DCAF8L2: variants seen among roughly 807,000 people sequenced by gnomAD.
The protein encoded by DCAF8L2 is DDB1- and CUL4-associated factor 8-like protein 2.
For missense variants in DCAF8L2, 430 were observed against 490.7 expected (o/e 0.88, Z 1.17); for synonymous variants, 200 against 190.9 (o/e 1.05, Z -0.39).
In DCAF8L2 at chrX:27,591,831, C is replaced by T. The variant is rs754668465; in HGVS notation, c.-342+1391C>T. ...ACTGAAATGTTAACATGTTCCCTGT[C>T]TTTAAGAAGACAATAGTTTAAGTGG... On this transcript the variant is annotated intron_variant, in intron 1 of 4. Coordinates refer to ENST00000451261, the MANE Select transcript of DCAF8L2 (RefSeq NM_001353450.2). Among the ~76,000 whole-genome samples, 162 of 111,874 alleles carry T rather than the reference C, an allele frequency of 1.4e-3. 1 individual carries two copies. Among genetic ancestry groups the T allele is most frequent in the Non-Finnish European group, 2.6e-3 (136 of 53,203 alleles).
At chrX:27,477,269 G>T in the DCAF8L2 span, among the ~76,000 whole-genome samples, 2 of 111,959 alleles carry the variant, frequency 1.8e-5, no homozygotes, top group Middle Eastern at 4.7e-3. Context: ...TATTTAGAGT[G>T]TTTGTGTGTT....
chrX:27,592,417 G>GTTTTTTTTTTTTTTTTTGTTTTTTTT (rs1248208449), intron 1 of DCAF8L2, among the ~76,000 whole-genome samples: 3 of 83,947 alleles, frequency 3.6e-5, no homozygotes, highest in Non-Finnish European at 6.5e-5. Flanking sequence ...GTTTGTTTTT[G>GTTTTTTTTTTTTTTTTTGTTTTTTTT]TTTTTTTTTT....
the DCAF8L2 span, among the ~76,000 whole-genome samples, chrX:27,490,189 T>A: frequency 1.8e-5 from 2 of 112,545 alleles, no homozygotes; most frequent in Non-Finnish European, 3.8e-5. Flanking sequence ...CTGGACATTT[T>A]GTGTGCTTCT....
chrX:27,638,579 T>C (rs1401924468), intron 2 of DCAF8L2, among the ~76,000 whole-genome samples: 1 of 111,238 alleles, frequency 9.0e-6, no homozygotes, highest in Non-Finnish European at 1.9e-5. Context: ...TATAGACATG[T>C]CAGGAATGAA....
At chrX:27,695,763 C>A (rs771838340) in intron 3 of DCAF8L2, among the ~76,000 whole-genome samples, 2 of 111,472 alleles carry the variant, frequency 1.8e-5, no homozygotes, top group Non-Finnish European at 3.8e-5. Context: ...ATAATAGAAT[C>A]TCTCCAGTTT....
chrX:27,606,025 T>C (rs1926848032), intron 1 of DCAF8L2, among the ~76,000 whole-genome samples: 1 of 105,938 alleles, frequency 9.4e-6, no homozygotes. Context: ...GTTGAATAGA[T>C]GAAGAAGAGT....
intron 2 of DCAF8L2, among the ~76,000 whole-genome samples, chrX:27,643,796 T>C (rs1928834183): frequency 8.9e-6 from 1 of 111,771 alleles, no homozygotes; most frequent in African/African-American, 3.2e-5. Context: ...ATACAATACC[T>C]AATATGTGTT....
chrX:27,737,320 A>C (rs894449872), intron 4 of DCAF8L2, among the ~76,000 whole-genome samples: 1 of 111,337 alleles, frequency 9.0e-6, no homozygotes, highest in Admixed American at 9.6e-5. Flanking sequence ...TGTTCCAACC[A>C]TACTAAGACT....
the DCAF8L2 span, among the ~76,000 whole-genome samples, chrX:27,482,378 T>C: frequency 4.5e-5 from 5 of 111,585 alleles, no homozygotes; most frequent in African/African-American, 1.6e-4. Context: ...AAATATGACC[T>C]CCATTAGATT....
the DCAF8L2 span, among the ~76,000 whole-genome samples, chrX:27,479,901 T>C: frequency 1.8e-5 from 2 of 112,084 alleles, no homozygotes; most frequent in African/African-American, 6.5e-5. Flanking sequence ...TCACATTGTT[T>C]CTGGATTAGA....
At chrX:27,485,475 C>T in the DCAF8L2 span, among the ~76,000 whole-genome samples, 2 of 111,137 alleles carry the variant, frequency 1.8e-5, no homozygotes, top group Admixed American at 1.9e-4. Flanking sequence ...AAGTATCCTT[C>T]TGTATTACAT....
intron 2 of DCAF8L2, among the ~76,000 whole-genome samples, chrX:27,640,265 C>A (rs747898321): frequency 1.8e-5 from 2 of 112,019 alleles, no homozygotes; most frequent in African/African-American, 6.5e-5. Context: ...TTACCTCTCC[C>A]ATCCCCAGCA....
chrX:27,593,076 G>A (rs1350427618), intron 1 of DCAF8L2, among the ~76,000 whole-genome samples: 1 of 111,949 alleles, frequency 8.9e-6, no homozygotes, highest in Non-Finnish European at 1.9e-5. Context: ...TGGAATGACA[G>A]GCATGAGCCA....
chrX:27,642,705 T>C (rs1928786403), intron 2 of DCAF8L2, among the ~76,000 whole-genome samples: 1 of 112,254 alleles, frequency 8.9e-6, no homozygotes, highest in East Asian at 2.8e-4. Flanking sequence ...AAAATGTACA[T>C]TTATATCCCC....
At chrX:27,559,597 GT>G in the DCAF8L2 span, among the ~76,000 whole-genome samples, 2 of 111,968 alleles carry the variant, frequency 1.8e-5, no homozygotes, top group African/African-American at 6.5e-5. Context: ...TGTCCATGCT[GT>G]TGGGCAAATT....
At chrX:27,514,376 CAG>C in the DCAF8L2 span, among the ~76,000 whole-genome samples, 497 of 107,319 alleles carry the variant, frequency 4.6e-3, 4 homozygotes, top group Non-Finnish European at 4.7e-3. Context: ...AGCCATAAAA[CAG>C]AGTGAAATCG....
chrX:27,498,701 A>G, the DCAF8L2 span, among the ~76,000 whole-genome samples: 4 of 112,177 alleles, frequency 3.6e-5, no homozygotes, highest in Non-Finnish European at 7.5e-5. Context: ...CTTTTGACCA[A>G]CATCTACTCA....
chrX:27,547,845 T>TCTCTTTCTC, the DCAF8L2 span, among the ~76,000 whole-genome samples: 1 of 46,289 alleles, frequency 2.2e-5, no homozygotes, highest in African/African-American at 7.3e-5. Flanking sequence ...CTCTCTCTCT[T>TCTCTTTCTC]TCTCTCTCTC....
intron 1 of DCAF8L2, among the ~76,000 whole-genome samples, chrX:27,598,973 A>AT (rs1293590604): frequency 0.03 from 2,487 of 81,899 alleles, 110 homozygotes; most frequent in African/African-American, 0.1. Context: ...AAAAAAAAAA[A>AT]AATATATATA....
Sources: allele counts gnomAD v4.1 joint callset (sites outside exome capture counted in the v4.1 genomes callset), GRCh38; gene constraint gnomAD v4.1.1; transcripts MANE v1.5; gene names NCBI Gene and HGNC (gene_info 2026-07-23, HGNC 2026-07-21).